The following TBC1D5 variants were observed in gnomAD, a reference collection of about 807,000 sequenced individuals.
The protein encoded by TBC1D5 is TBC1 domain family, member 5.
Under a neutral mutation model 100.3 loss-of-function variants are expected in TBC1D5, and 75 were observed. That is an observed-to-expected ratio of 0.75 (90% CI 0.62 to 0.91). The LOEUF is 0.91. Ranked by LOEUF, TBC1D5 falls within the 40% of genes least tolerant of loss-of-function variation. TBC1D5 has a pLI of 0.00. For missense variants in TBC1D5, 910 were observed against 942.4 expected, an observed-to-expected ratio of 0.97 and a Z score of 0.45; for synonymous variants, 323 against 325.6, an observed-to-expected ratio of 0.99 and a Z score of 0.09.
intron 3 of TBC1D5, among the ~76,000 whole-genome samples, chr3:17,502,100 T>TAG (rs1223267892): frequency 3.3e-5 from 5 of 149,460 alleles, no homozygotes; most frequent in Non-Finnish European, 7.4e-5. Flanking sequence ...TTCCTGTCTT[T>TAG]GCTCTACACT....
At chr3:17,731,941 T>C (rs1213035699) in intron 1 of TBC1D5, among the ~76,000 whole-genome samples, 4 of 152,178 alleles carry the variant, frequency 2.6e-5, no homozygotes, top group African/African-American at 7.2e-5. Flanking sequence ...CTGTGAGCCA[T>C]TAAGAAGTGG....
intron 16 of TBC1D5, among the ~76,000 whole-genome samples, chr3:17,248,130 T>C (rs568589427): frequency 6.6e-6 from 1 of 152,222 alleles, no homozygotes; most frequent in Non-Finnish European, 1.5e-5. Context: ...CAACTGGGAC[T>C]AAAGGCACCC....
intron 18 of TBC1D5, among the ~76,000 whole-genome samples, chr3:17,200,993 T>C (rs1436158350): frequency 6.6e-6 from 1 of 152,246 alleles, no homozygotes; most frequent in Non-Finnish European, 1.5e-5. Context: ...GTGCTTGGTA[T>C]TAATATTCTT....
intron 16 of TBC1D5, among the ~76,000 whole-genome samples, chr3:17,246,447 G>T (rs1052319955): frequency 6.6e-6 from 1 of 152,116 alleles, no homozygotes; most frequent in Admixed American, 6.5e-5. Context: ...ATATGAAAAT[G>T]CAAAGGAACT....
At position 17,379,952 on chromosome 3, in the gene TBC1D5, G is replaced by C. The variant is rs539573916; in HGVS notation, c.613-3339C>G. Among the ~76,000 whole-genome samples, 8 of 151,884 alleles carry C rather than the reference G, an allele frequency of 5.3e-5. No individual in the cohort carries two copies. The South Asian group carries it at 1.7e-3, about 32-fold the overall frequency. On this transcript the variant is annotated intron_variant, in intron 9 of 21. Transcript: ENST00000253692. ...GAATGATGGTTGACTGCAGGTAACT[G>C]AAACCACAGAAAGTGAAACTGCAGG...
chr3:17,602,561 ATTTTTTTTTTTTT>A (rs33956978), intron 2 of TBC1D5, among the ~76,000 whole-genome samples: 5 of 74,480 alleles, frequency 6.7e-5, no homozygotes, highest in African/African-American at 1.7e-4. Flanking sequence ...AGAGAATCAG[ATTTTTTTTTTTTT>A]TTTTTTTTTT....
At chr3:17,166,664 GTAATTTGAAGTAACT>G in intron 21 of TBC1D5, 88 bp downstream of exon 22, 1 of 1,462,922 alleles carries the variant, frequency 6.8e-7, no homozygotes, top group Admixed American at 2.2e-5. Context: ...TTCATACATG[GTAATTTGAAGTAACT>G]TTGGTAGGGT....
In TBC1D5 at chr3:17,521,450, A is replaced by C. The variant is rs139618105; in HGVS notation, c.-35-12845T>G. Among the ~76,000 whole-genome samples the C allele has an allele frequency of 1.2e-3, 185 of 152,344 alleles. 4 individuals are homozygous for C. In the East Asian group the frequency reaches 0.029, roughly 24 times the overall value. ...TTATTGTAAGAATACAGTATAGTAC[A>C]TATAACATACAAAATATGTGTTAAT... On this transcript the variant is annotated intron_variant, in intron 2 of 21. Coordinates refer to ENST00000253692, the Ensembl canonical transcript of TBC1D5.
intron 13 of TBC1D5, among the ~76,000 whole-genome samples, chr3:17,319,412 G>A (rs895163960): frequency 6.1e-5 from 9 of 147,314 alleles, no homozygotes; most frequent in Non-Finnish European, 3.0e-5. Flanking sequence ...ACTATGTGGA[G>A]TTATTGTTTT....
chr3:17,451,165 C>T (rs904005813), intron 3 of TBC1D5, among the ~76,000 whole-genome samples: 2 of 152,164 alleles, frequency 1.3e-5, no homozygotes, highest in African/African-American at 2.4e-5. Flanking sequence ...AAATCCCTTA[C>T]AAACAAGCAA....
intron 13 of TBC1D5, among the ~76,000 whole-genome samples, chr3:17,321,063 T>C: frequency 6.6e-6 from 1 of 152,200 alleles, no homozygotes; most frequent in East Asian, 1.9e-4. Context: ...TATGCTTTCA[T>C]AGTTTTCTAT....
At chr3:17,233,102 ATAT>A (rs2075552568) in intron 17 of TBC1D5, among the ~76,000 whole-genome samples, 1 of 152,166 alleles carries the variant, frequency 6.6e-6, no homozygotes, top group Non-Finnish European at 1.5e-5. Context: ...TATATTTTCT[ATAT>A]TTTGAACAAA....
At chr3:17,203,017 T>G (rs746408554) in intron 18 of TBC1D5, among the ~76,000 whole-genome samples, 1 of 152,182 alleles carries the variant, frequency 6.6e-6, no homozygotes, top group South Asian at 2.1e-4. Flanking sequence ...CCCAGAATGG[T>G]AGATCTATTG....
chr3:17,227,136 A>G (rs2074977710), intron 17 of TBC1D5, among the ~76,000 whole-genome samples: 2 of 152,168 alleles, frequency 1.3e-5, no homozygotes, highest in Admixed American at 1.3e-4. Context: ...AAGTACAAAC[A>G]ACAGCACTTT....
chr3:17,481,898 G>A (rs568629749), intron 3 of TBC1D5, among the ~76,000 whole-genome samples: 6 of 152,214 alleles, frequency 3.9e-5, no homozygotes, highest in South Asian at 2.1e-4. Flanking sequence ...GTGCCACCAC[G>A]CCTGGCTAAT....
chr3:17,533,316 CAT>C, intron 2 of TBC1D5, among the ~76,000 whole-genome samples: 1 of 152,078 alleles, frequency 6.6e-6, no homozygotes, highest in Non-Finnish European at 1.5e-5. Context: ...CTCAACAAAA[CAT>C]ATCAATTTCA....
intron 2 of TBC1D5, among the ~76,000 whole-genome samples, chr3:17,573,096 AT>A (rs2153513276): frequency 6.6e-6 from 1 of 152,116 alleles, no homozygotes; most frequent in Admixed American, 6.6e-5. Flanking sequence ...ACCATCTCCT[AT>A]CTTTAATCAA....
intron 1 of TBC1D5, chr3:17,699,878 A>G (rs992498169): frequency 6.6e-6 from 1 of 151,876 alleles, no homozygotes; most frequent in African/African-American, 2.4e-5. Flanking sequence ...GACAGTATCT[A>G]CTTTAAAATG....
At chr3:17,164,351 G>A (rs187160504) in intron 21 of TBC1D5, among the ~76,000 whole-genome samples, 246 of 152,330 alleles carry the variant, frequency 1.6e-3, no homozygotes, top group Middle Eastern at 6.8e-3. Flanking sequence ...AACCAAGAAA[G>A]CACCGAAAAC....
Sources: allele counts gnomAD v4.1 joint callset (sites outside exome capture counted in the v4.1 genomes callset), GRCh38; gene constraint gnomAD v4.1.1; transcripts MANE v1.5; gene names NCBI Gene and HGNC (gene_info 2026-07-23, HGNC 2026-07-21).